HPS3: variants seen among roughly 807,000 people sequenced by gnomAD.
HPS3 encodes the protein HPS3 biogenesis of lysosomal organelles complex 2 subunit 1, also known as BLOC-2 complex member HPS3.
A neutral mutation model predicts 110.9 loss-of-function variants in HPS3; 79 were observed. The observed-to-expected ratio is 0.71, with a 90% CI of 0.59 to 0.86. The LOEUF (loss-of-function observed/expected upper bound fraction) is 0.86. Among genes scored for constraint, HPS3 ranks in the 40% least tolerant of loss-of-function variants. The pLI is 0.00. For missense variants in HPS3, 1,197 were observed against 1,206.2 expected (o/e 0.99, Z 0.11); for synonymous variants, 428 against 451.0 (o/e 0.95, Z 0.65).
chr3:149,167,904 G>A lies in HPS3; in HGVS notation c.2808G>A (p.Trp936Ter), dbSNP rs760255783. Residue 936 changes from tryptophan to a stop codon, truncating the protein, a stop_gained, in exon 16 of 17, where the codon TGG becomes TGA. Coordinates refer to ENST00000296051, the MANE Select transcript of HPS3 (RefSeq NM_032383.5). LOFTEE classifies it high-confidence loss of function. ...TTTTCCTAAGATAGACTCTGTGGTG[G>A]AAAAAACTGTTGCCTGAACTTTGTC... ...ELKEENRTLW[W>*]KKLLPELCQR... The A allele has an allele frequency of 6.3e-7, 1 of 1,598,858 alleles. No homozygotes were observed. The highest frequency in any genetic ancestry group is 2.2e-5 in the East Asian group (1 of 44,742).
At position 149,173,488 on chromosome 3, in the gene HPS3, T is replaced by C; in HGVS notation, c.*1266T>C. 1 of 386,298 alleles carries C rather than the reference T, an allele frequency of 2.6e-6. No homozygotes were observed. The highest frequency in any genetic ancestry group is 4.1e-5 in the South Asian group (1 of 24,660). 23.9% of individuals were successfully genotyped at this position (386,298 alleles called of 1,614,324 possible). A position where few individuals can be genotyped will look rare whatever the true frequency, so the allele number is the denominator to read the frequency against. Reference sequence around the variant, plus strand: ...CATTAGACTGTATGAATCAGTTTTATTACCTAGTGTACAAGTGTCAGTCAT... The same window carrying C: ...CATTAGACTGTATGAATCAGTTTTACTACCTAGTGTACAAGTGTCAGTCAT... On this transcript the variant is annotated 3_prime_UTR_variant, in exon 17 of 17. Transcript: ENST00000296051.
intron 5 of HPS3, among the ~76,000 whole-genome samples, chr3:149,146,756 C>T (rs16861528): frequency 0.28 from 41,899 of 152,072 alleles, 6,444 homozygotes; most frequent in African/African-American, 0.43. Context: ...GAGGTAGCTA[C>T]TCTTTCCAGT....
chr3:149,149,339 G>A (rs17787392), intron 5 of HPS3, among the ~76,000 whole-genome samples: 31,432 of 151,838 alleles, frequency 0.21, 3,360 homozygotes, highest in African/African-American at 0.26. Flanking sequence ...CTGTCCTTCC[G>A]GTCCCACTGC....
At chr3:149,130,871 A>T (rs1721719850) in intron 1 of HPS3, among the ~76,000 whole-genome samples, 1 of 152,222 alleles carries the variant, frequency 6.6e-6, no homozygotes, top group Admixed American at 6.5e-5. Context: ...TTTTAGAAAA[A>T]TCCAACATTT....
At chr3:149,150,501 C>T in intron 5 of HPS3, 98 bp from the exon 6 acceptor site, 1 of 833,018 alleles carries the variant, frequency 1.2e-6, no homozygotes, top group Non-Finnish European at 2.1e-6. Context: ...TGACTGTCAC[C>T]CCTGCCCATT....
Position 149,171,263 on chromosome 3 carries a change from C to T in HPS3, c.2888-832C>T, listed in dbSNP as rs921065621. Among the ~76,000 whole-genome samples the T allele has an allele frequency of 1.0e-4, 15 of 150,526 alleles. No individual in the cohort carries two copies. The South Asian group carries it at 2.3e-3, about 23-fold the overall frequency. ...ACTGCACTCCAGCATGGTGACAGAG[C>T]GAGACTCCGTCTCAAAAAAAAAAAA... On this transcript the variant is annotated intron_variant, in intron 16 of 16. Transcript: ENST00000296051.
chr3:149,162,473 G>T, intron 12 of HPS3, 140 bp downstream of exon 12: 1 of 903,304 alleles, frequency 1.1e-6, no homozygotes, highest in Non-Finnish European at 1.8e-6. Context: ...TAAGATAAAA[G>T]TACTAATTAA....
intron 16 of HPS3, 86 bp downstream of exon 16, chr3:149,168,069 T>G (rs1576709288): frequency 2.5e-6 from 2 of 807,492 alleles, no homozygotes; most frequent in East Asian, 5.2e-5. Context: ...TTCATGTGAT[T>G]CTCAAGTGAA....
intron 5 of HPS3, among the ~76,000 whole-genome samples, chr3:149,145,816 G>C (rs939350301): frequency 3.3e-5 from 5 of 152,154 alleles, no homozygotes; most frequent in African/African-American, 9.7e-5. Flanking sequence ...GACTTTCATA[G>C]GGAGTTTTAA....
At chr3:149,150,482 A>T in intron 5 of HPS3, 117 bp from the exon 6 acceptor site, 1 of 754,506 alleles carries the variant, frequency 1.3e-6, no homozygotes, top group Non-Finnish European at 2.4e-6. Flanking sequence ...GCAATATTTG[A>T]CAAATACTTG....
At position 149,150,379 on chromosome 3, in the gene HPS3, C is replaced by T. The variant is rs550119536; in HGVS notation, c.1164-220C>T. On this transcript the variant is annotated intron_variant, in intron 5 of 16. Coordinates refer to ENST00000296051, the MANE Select transcript of HPS3 (RefSeq NM_032383.5). ...GATTCAGCCCCTAGAGATTGCGATT[C>T]ACTAGGGGTGTTATGGGGACCAGTT... 9.2e-5 allele frequency among the ~76,000 whole-genome samples: 14 copies of T among 152,268 alleles called. No individual in the cohort carries two copies. The East Asian group carries it at 2.7e-3, about 29-fold the overall frequency.
chr3:149,144,052 T>A (rs1722640275), intron 4 of HPS3, among the ~76,000 whole-genome samples: 1 of 152,104 alleles, frequency 6.6e-6, no homozygotes, highest in South Asian at 2.1e-4. Context: ...AAGTATTCTT[T>A]TACTTAAACC....
At chr3:149,146,056 A>G (rs1015468001) in intron 5 of HPS3, among the ~76,000 whole-genome samples, 2 of 152,236 alleles carry the variant, frequency 1.3e-5, no homozygotes, top group Non-Finnish European at 2.9e-5. Context: ...AATTGGTGGC[A>G]GATGTGTTGA....
chr3:149,141,537 T>TTTG (rs1261314587), intron 4 of HPS3, among the ~76,000 whole-genome samples, 157 bp downstream of exon 4: 3 of 148,404 alleles, frequency 2.0e-5, no homozygotes, highest in Admixed American at 6.7e-5. Context: ...TTTTGTTTTT[T>TTTG]TTTTTTTTTT....
chr3:149,145,005 A>G (rs987204073), intron 4 of HPS3, among the ~76,000 whole-genome samples: 12 of 152,122 alleles, frequency 7.9e-5, no homozygotes, highest in Non-Finnish European at 1.6e-4. Flanking sequence ...TATTTCTATC[A>G]ACATTGCTGG....
Position 149,158,835 on chromosome 3 carries a change from G to T in HPS3, c.1861G>T (p.Glu621Ter), listed in dbSNP as rs1488175163. Residue 621 changes from glutamate to a stop codon, truncating the protein, a stop_gained, in exon 10 of 17, where the codon GAA (glutamate) becomes TAA (stop). Transcript: ENST00000296051. LOFTEE classifies it high-confidence loss of function. ...TTCACTTTATGAAAACCTGGATGAAGAATTAAATGAAGTGATTATAGTTTT... is the reference window on the plus strand; with the variant it reads ...TTCACTTTATGAAAACCTGGATGAATAATTAAATGAAGTGATTATAGTTTT... ...NHSLYENLDEELNEELAAKVV... is the reference protein window; with the variant it reads ...NHSLYENLDE The T allele has an allele frequency of 2.5e-6, 4 of 1,575,216 alleles. No individual in the cohort carries two copies. The highest frequency in any genetic ancestry group is 3.5e-6 in the Non-Finnish European group (4 of 1,145,172).
At chr3:149,166,932 T>C in intron 14 of HPS3, 102 bp from the exon 15 acceptor site, 1 of 878,462 alleles carries the variant, frequency 1.1e-6, no homozygotes, top group Admixed American at 1.7e-5. Flanking sequence ...TTCTATTTTA[T>C]TTTTGGCAAG....
intron 7 of HPS3, among the ~76,000 whole-genome samples, chr3:149,154,331 CAT>C (rs760868696): frequency 2.0e-5 from 3 of 152,124 alleles, no homozygotes; most frequent in Non-Finnish European, 4.4e-5. Flanking sequence ...TCATATCAAA[CAT>C]GGGTTATTTT....
intron 1 of HPS3, among the ~76,000 whole-genome samples, chr3:149,138,782 G>A (rs1214187942): frequency 1.3e-5 from 2 of 152,166 alleles, no homozygotes; most frequent in African/African-American, 4.8e-5. Flanking sequence ...GCTGATAAAC[G>A]TAGGAAAAGA....
Sources: gnomAD v4.1 joint callset for allele counts (sites outside exome capture counted in the v4.1 genomes callset) on GRCh38, gnomAD v4.1.1 for gene constraint, MANE v1.5 for transcripts, NCBI Gene and HGNC (gene_info 2026-07-23, HGNC 2026-07-21) for gene names.